S100PBP: variants seen among roughly 807,000 people sequenced by gnomAD.
S100PBP encodes S100P binding protein, also known as S100P-binding protein.
In S100PBP, 15 loss-of-function variants were observed where a neutral mutation model predicts 39.9. The ratio of observed to expected loss-of-function variants is 0.38; its 90% confidence interval spans 0.25 to 0.58. S100PBP has a LOEUF of 0.58. Among genes scored for constraint, S100PBP ranks in the 20% least tolerant of loss-of-function variants. The pLI is 0.70. For missense variants in S100PBP, 504 were observed against 487.3 expected, an observed-to-expected ratio of 1.03 and a Z score of -0.32; for synonymous variants, 178 against 180.3, an observed-to-expected ratio of 0.99 and a Z score of 0.10.
At chr1:32,820,965 G>A (rs1185962577) in intron 1 of S100PBP, among the ~76,000 whole-genome samples, 1 of 152,094 alleles carries the variant, frequency 6.6e-6, no homozygotes, top group African/African-American at 2.4e-5. Context: ...ACAAACCTGA[G>A]ACCCTGTCTC....
At chr1:32,820,465 C>G (rs1321952260) in intron 1 of S100PBP, 2 of 152,060 alleles carry the variant, frequency 1.3e-5, no homozygotes, top group Admixed American at 1.3e-4. Context: ...TCTTAAGACT[C>G]CAGGGATCGG....
intron 1 of S100PBP, among the ~76,000 whole-genome samples, chr1:32,819,451 G>A (rs1017792411): frequency 6.6e-6 from 1 of 152,198 alleles, no homozygotes; most frequent in African/African-American, 2.4e-5. Flanking sequence ...TGTAATCCCA[G>A]CTACTGGGAG....
chr1:32,830,165 A>C, intron 5 of S100PBP, 98 bp downstream of exon 5: 1 of 772,544 alleles, frequency 1.3e-6, no homozygotes, highest in Non-Finnish European at 2.2e-6. Context: ...GAATTTTCTT[A>C]AATTCTTGAG....
At position 32,858,602 on chromosome 1, in the gene S100PBP, A is replaced by G. The variant is rs1179662641; in HGVS notation, c.*2564A>G. 2 of 152,178 alleles carry G rather than the reference A, an allele frequency of 1.3e-5. No individual in the cohort carries two copies. The highest frequency in any genetic ancestry group is 3.8e-4 in the East Asian group (2 of 5,200). The allele number at this position is 152,178 out of a possible 1,614,324, so 9.4% of individuals were successfully genotyped here. On this transcript the variant is annotated 3_prime_UTR_variant, in exon 7 of 7. Transcript: ENST00000373475. ...TTCTTGCTGTATTATTTTTTAAGCA[A>G]GTGTTAGGTGCATTTAACTGCTTTC...
chr1:32,832,786 A>C (rs1295882733), intron 5 of S100PBP, among the ~76,000 whole-genome samples: 1 of 152,218 alleles, frequency 6.6e-6, no homozygotes, highest in Non-Finnish European at 1.5e-5. Context: ...TCAGGTTATC[A>C]GACACAGAGA....
At chr1:32,838,144 A>G (rs1639917661) in intron 5 of S100PBP, among the ~76,000 whole-genome samples, 1 of 151,808 alleles carries the variant, frequency 6.6e-6, no homozygotes, top group Non-Finnish European at 1.5e-5. Flanking sequence ...GATCGAGACC[A>G]TCCTGGCTAA....
intron 5 of S100PBP, among the ~76,000 whole-genome samples, chr1:32,845,554 A>G (rs1391666778): frequency 6.6e-6 from 1 of 150,602 alleles, no homozygotes; most frequent in Non-Finnish European, 1.5e-5. Flanking sequence ...CTTGTTTTCT[A>G]GCTTTTTAAT....
intron 5 of S100PBP, among the ~76,000 whole-genome samples, chr1:32,832,013 A>G (rs1639621029): frequency 1.3e-5 from 2 of 152,238 alleles, no homozygotes; most frequent in African/African-American, 4.8e-5. Context: ...AATAGCTAGA[A>G]TAACTATAGT....
In S100PBP at chr1:32,837,701, G is replaced by A. The variant is rs1639896884; in HGVS notation, c.1024+7634G>A. On this transcript the variant is annotated intron_variant, in intron 5 of 6. Transcript: ENST00000373475. ...ATTGACCACTGATCTAGTGTCTACT[G>A]CAGTTAGTTTGCATTTTCTAAAGTT... 3.3e-5 allele frequency among the ~76,000 whole-genome samples: 5 copies of A among 151,574 alleles called. No homozygotes were observed. The South Asian group carries it at 1.0e-3, about 32-fold the overall frequency.
chr1:32,849,090 T>A (rs1640502594), intron 5 of S100PBP, among the ~76,000 whole-genome samples: 1 of 152,238 alleles, frequency 6.6e-6, no homozygotes, highest in African/African-American at 2.4e-5. Context: ...CACCTGGGTT[T>A]GAATCCTGGC....
intron 4 of S100PBP, among the ~76,000 whole-genome samples, chr1:32,829,472 AT>A (rs1010885139): frequency 6.6e-6 from 1 of 151,420 alleles, no homozygotes; most frequent in African/African-American, 2.4e-5. Flanking sequence ...AAATTATTTG[AT>A]TTTTTTAGAG....
At chr1:32,822,379 G>A (rs1020392003) in intron 1 of S100PBP, among the ~76,000 whole-genome samples, 8 of 152,130 alleles carry the variant, frequency 5.3e-5, no homozygotes, top group Non-Finnish European at 7.3e-5. Context: ...TTGGGAGGCC[G>A]AGGCGGGCGG....
intron 5 of S100PBP, among the ~76,000 whole-genome samples, chr1:32,843,968 C>CA (rs1382265477): frequency 6.6e-6 from 1 of 151,904 alleles, no homozygotes; most frequent in Non-Finnish European, 1.5e-5. Flanking sequence ...AACTGGAGTG[C>CA]AGTGGCTCGA....
intron 1 of S100PBP, among the ~76,000 whole-genome samples, chr1:32,824,540 T>C (rs1047110286): frequency 4.0e-5 from 6 of 151,780 alleles, no homozygotes; most frequent in Non-Finnish European, 7.4e-5. Flanking sequence ...CGAGTTATAA[T>C]AGTCATCAAT....
At chr1:32,849,280 G>A (rs1640513882) in intron 5 of S100PBP, among the ~76,000 whole-genome samples, 1 of 151,992 alleles carries the variant, frequency 6.6e-6, no homozygotes, top group Admixed American at 6.6e-5. Flanking sequence ...GGAGTCGATG[G>A]GACTACAGGT....
rs1196350305 is a variant in S100PBP at position 32,858,441 on chromosome 1, A to T, written c.*2403A>T. 1 of 152,670 alleles carries T rather than the reference A, an allele frequency of 6.6e-6. No individual in the cohort carries two copies. Among genetic ancestry groups the T allele is most frequent in the African/African-American group, 2.4e-5 (1 of 41,452 alleles). 9.5% of individuals were successfully genotyped at this position (152,670 alleles called of 1,614,324 possible). On this transcript the variant is annotated 3_prime_UTR_variant, in exon 7 of 7. Transcript: ENST00000373475. ...GGTATTCTTTAAGAAGAAAAAACAA[A>T]GCCAAAGAAAACTCATTATCTGGCA...
intron 1 of S100PBP, among the ~76,000 whole-genome samples, chr1:32,820,057 A>T (rs1638973364): frequency 6.6e-6 from 1 of 151,982 alleles, no homozygotes; most frequent in African/African-American, 2.4e-5. Context: ...TAAACTAGAT[A>T]AGAGTAGAGT....
intron 5 of S100PBP, 38 bp downstream of exon 5, chr1:32,830,105 G>A: frequency 7.9e-7 from 1 of 1,260,306 alleles, no homozygotes; most frequent in Non-Finnish European, 1.2e-6. Flanking sequence ...TAAAACATGT[G>A]ATGTGACTTT....
rs565264562 is a variant in S100PBP, at chr1:32,833,710, GA to G, written c.1024+3650del. ...AAATAATGATTCTCTCTCCTACAAAGAAAAAAACTTAAAATCACCTATAAAT... is the reference window on the plus strand; with the variant it reads ...AAATAATGATTCTCTCTCCTACAAAGAAAAAACTTAAAATCACCTATAAAT... On this transcript the variant is annotated intron_variant, in intron 5 of 6. Coordinates refer to ENST00000373475, the MANE Select transcript of S100PBP (RefSeq NM_022753.4). Among the ~76,000 whole-genome samples the G allele has an allele frequency of 3.6e-4, 55 of 151,788 alleles. 1 individual carries two copies. Among genetic ancestry groups the G allele is most frequent in the African/African-American group, 1.1e-3 (46 of 41,384 alleles).
Sources: allele counts gnomAD v4.1 joint callset (sites outside exome capture counted in the v4.1 genomes callset), GRCh38; gene constraint gnomAD v4.1.1; transcripts MANE v1.5; gene names NCBI Gene and HGNC (gene_info 2026-07-23, HGNC 2026-07-21).